Variants in SHISA6 observed in about 807,000 individuals in gnomAD.
The protein encoded by SHISA6 is protein shisa-6.
A neutral mutation model predicts 47.9 loss-of-function variants in SHISA6; 22 were observed. The ratio of observed to expected loss-of-function variants is 0.46; its 90% CI spans 0.33 to 0.66. The LOEUF (loss-of-function observed/expected upper bound fraction) is 0.66. SHISA6 is among the 30% of genes least tolerant of loss of function. The probability of loss-of-function intolerance (pLI) is 0.02; values close to 1 mark genes in which losing one functional copy is unlikely to be tolerated. For synonymous variants in SHISA6, 388 were observed against 337.8 expected (o/e 1.15, Z -1.63); for missense variants, 680 against 764.6 (o/e 0.89, Z 1.30).
chr17:11,241,370 G>C lies in SHISA6; in HGVS notation c.-53G>C, dbSNP rs1459906022. 5.9e-6 allele frequency: 6 copies of C among 1,016,846 alleles called. No individual in the cohort carries two copies. Among genetic ancestry groups the C allele is most frequent in the Admixed American group, 1.2e-4 (2 of 16,970 alleles). 63.0% of individuals were successfully genotyped at this position (1,016,846 alleles called of 1,614,324 possible). A position where few individuals can be genotyped will look rare whatever the true frequency, so the allele number is the denominator to read the frequency against. On this transcript the variant is annotated 5_prime_UTR_variant, in exon 1 of 6. Coordinates refer to ENST00000441885, the MANE Select transcript of SHISA6 (RefSeq NM_207386.4). The surrounding 1 kb of genome is among the most constrained non-coding windows in gnomAD (Gnocchi z 5.5). ...GCGGGTCCTCCGAGCCCGGCCCGCC[G>C]GGGGAGCGGCCTGCCGCGGAAGCCT...
rs916959028 is a variant in SHISA6, at chr17:11,272,421, G to A, written c.799+8895G>A. Among the ~76,000 whole-genome samples the A allele has an allele frequency of 2.6e-4, 39 of 152,110 alleles. 1 individual carries two copies. Among genetic ancestry groups the A allele is most frequent in the Non-Finnish European group, 4.7e-4 (32 of 68,014 alleles). On this transcript the variant is annotated intron_variant, in intron 2 of 5. Coordinates refer to ENST00000441885, the MANE Select transcript of SHISA6 (RefSeq NM_207386.4). ...CCTTGGTGGCATCCTGGGCTCCTCC[G>A]TCCTTGCAGAGAGGCAGTGGAGCGG...
intron 3 of SHISA6, among the ~76,000 whole-genome samples, chr17:11,487,781 C>A (rs1475413152): frequency 6.6e-6 from 1 of 152,142 alleles, no homozygotes; most frequent in African/African-American, 2.4e-5. Flanking sequence ...GCTTGCATTG[C>A]CCCCTCCCGA....
intron 3 of SHISA6, among the ~76,000 whole-genome samples, chr17:11,463,813 A>T (rs1391132089): frequency 6.6e-6 from 1 of 152,232 alleles, no homozygotes; most frequent in Non-Finnish European, 1.5e-5. Flanking sequence ...CCTAAGTGTG[A>T]TCTGATATGA....
At chr17:11,385,789 A>G (rs205058) in intron 3 of SHISA6, among the ~76,000 whole-genome samples, 151,249 of 152,202 alleles carry the variant, frequency 0.99, 75,158 homozygotes, top group Middle Eastern at 1. Context: ...ACTCAAGAGT[A>G]GGTAGCCAGG....
intron 2 of SHISA6, among the ~76,000 whole-genome samples, chr17:11,300,738 G>T (rs962922468): frequency 1.3e-5 from 2 of 150,326 alleles, no homozygotes; most frequent in African/African-American, 4.9e-5. Flanking sequence ...GATGGCTCTA[G>T]GAAAAACAGG....
intron 3 of SHISA6, among the ~76,000 whole-genome samples, chr17:11,533,342 C>A (rs1434198386): frequency 6.6e-6 from 1 of 152,086 alleles, no homozygotes; most frequent in Non-Finnish European, 1.5e-5. Flanking sequence ...CGTCAACAGC[C>A]TTTCAGGATA....
chr17:11,505,384 G>T (rs1193049705), intron 3 of SHISA6, among the ~76,000 whole-genome samples: 1 of 152,216 alleles, frequency 6.6e-6, no homozygotes, highest in Non-Finnish European at 1.5e-5. Context: ...ACCTTGTAGG[G>T]ATAGACATGG....
At chr17:11,451,191 C>T (rs1434818262) in intron 3 of SHISA6, among the ~76,000 whole-genome samples, 1 of 152,072 alleles carries the variant, frequency 6.6e-6, no homozygotes, top group Admixed American at 6.6e-5. Context: ...TTACCCACAG[C>T]CCCTGCTCCC....
chr17:11,520,318 G>A (rs2071619249), intron 3 of SHISA6, among the ~76,000 whole-genome samples: 1 of 152,138 alleles, frequency 6.6e-6, no homozygotes. Context: ...TTGAATCTCA[G>A]TAGCATCCCT....
intron 3 of SHISA6, among the ~76,000 whole-genome samples, chr17:11,502,895 T>C (rs1289238128): frequency 6.6e-6 from 1 of 152,160 alleles, no homozygotes; most frequent in Non-Finnish European, 1.5e-5. Context: ...TTGGATGGGT[T>C]TGGGCACAGA....
intron 3 of SHISA6, among the ~76,000 whole-genome samples, chr17:11,430,893 G>C (rs749413370): frequency 6.6e-6 from 1 of 152,162 alleles, no homozygotes; most frequent in South Asian, 2.1e-4. Flanking sequence ...AGCACAGCAC[G>C]AGGCTTTTGA....
intron 2 of SHISA6, among the ~76,000 whole-genome samples, chr17:11,377,592 C>A (rs2142243073): frequency 6.6e-6 from 1 of 152,286 alleles, no homozygotes; most frequent in South Asian, 2.1e-4. Context: ...TGCTGAGGCA[C>A]TCTCAGGTTT....
chr17:11,319,668 T>C (rs1364542892), intron 2 of SHISA6, among the ~76,000 whole-genome samples: 1 of 152,208 alleles, frequency 6.6e-6, no homozygotes, highest in Non-Finnish European at 1.5e-5. Context: ...AATGATAACA[T>C]AGTAGCTTTA....
intron 3 of SHISA6, among the ~76,000 whole-genome samples, chr17:11,401,730 T>C (rs1325280840): frequency 6.6e-6 from 1 of 152,180 alleles, no homozygotes; most frequent in Non-Finnish European, 1.5e-5. Flanking sequence ...TTAAAGCAAA[T>C]ATCCTCCATG....
At chr17:11,490,843 A>G (rs1184668728) in intron 3 of SHISA6, among the ~76,000 whole-genome samples, 1 of 152,198 alleles carries the variant, frequency 6.6e-6, no homozygotes, top group Non-Finnish European at 1.5e-5. Flanking sequence ...AAGTTTAATG[A>G]CCTTTTGCCC....
Position 11,301,895 on chromosome 17 carries a change from G to A in SHISA6, c.799+38369G>A, listed in dbSNP as rs185459640. On this transcript the variant is annotated intron_variant, in intron 2 of 5. Transcript: ENST00000441885. ...AAAGACATACCAGAGACTGGGAAGAGAAAGAGGTTCAGTTGGACTTACAGT... is the reference window on the plus strand; with the variant it reads ...AAAGACATACCAGAGACTGGGAAGAAAAAGAGGTTCAGTTGGACTTACAGT... Among the ~76,000 whole-genome samples, 524 of 152,336 alleles carry A rather than the reference G, an allele frequency of 3.4e-3. 5 individuals are homozygous for A. The highest frequency in any genetic ancestry group is 0.012 in the African/African-American group (487 of 41,566).
intron 3 of SHISA6, among the ~76,000 whole-genome samples, chr17:11,424,230 T>C (rs1022936811): frequency 2.6e-5 from 4 of 151,968 alleles, no homozygotes; most frequent in East Asian, 1.9e-4. Context: ...TTAAAGCAGA[T>C]AGAAATTAAT....
chr17:11,557,687 G>C (rs2071994419), intron 5 of SHISA6, 67 bp from the exon 6 acceptor site: 4 of 1,446,788 alleles, frequency 2.8e-6, no homozygotes, highest in Non-Finnish European at 3.7e-6. Context: ...GCGGGGCAGG[G>C]TTCTATCTGA....
chr17:11,351,231 C>CA (rs1911880321), intron 2 of SHISA6, among the ~76,000 whole-genome samples: 1 of 152,062 alleles, frequency 6.6e-6, no homozygotes, highest in Non-Finnish European at 1.5e-5. Flanking sequence ...ATAGGTGCAG[C>CA]AAACCATCAT....
Sources: allele counts gnomAD v4.1 joint callset (sites outside exome capture counted in the v4.1 genomes callset), GRCh38; gene constraint gnomAD v4.1.1; non-coding constraint Gnocchi (gnomAD v3.1); transcripts MANE v1.5; gene names NCBI Gene and HGNC (gene_info 2026-07-23, HGNC 2026-07-21).